Variants in SPAG16 observed in about 807,000 individuals in gnomAD.
The protein encoded by SPAG16 is sperm-associated antigen 16 protein.
Under a neutral mutation model 80.4 loss-of-function variants are expected in SPAG16, and 86 were observed. The ratio of observed to expected loss-of-function variants is 1.07; its 90% confidence interval spans 0.90 to 1.28. The LOEUF (loss-of-function observed/expected upper bound fraction) is 1.28. Ranked by LOEUF, SPAG16 falls within the 50% of genes most tolerant of loss-of-function variation. SPAG16 has a pLI of 0.00. For missense variants in SPAG16, 870 were observed against 765.3 expected, an observed-to-expected ratio of 1.14 and a Z score of -1.61; for synonymous variants, 294 against 265.9, an observed-to-expected ratio of 1.11 and a Z score of -1.03.
At chr2:213,771,662 T>G (rs189505960) in intron 10 of SPAG16, among the ~76,000 whole-genome samples, 1 of 152,312 alleles carries the variant, frequency 6.6e-6, no homozygotes, top group African/African-American at 2.4e-5. Flanking sequence ...GTTTCAATTT[T>G]CTGTATATGG....
At chr2:213,307,189 T>G (rs34087467) in intron 3 of SPAG16, among the ~76,000 whole-genome samples, 4 of 150,296 alleles carry the variant, frequency 2.7e-5, no homozygotes, top group Admixed American at 6.6e-5. Context: ...TTGAATTTTG[T>G]TTTTTTTTAT....
Position 213,284,604 on chromosome 2 carries a change from G to C in SPAG16, c.121G>C (p.Ala41Pro). Residue 41 changes from alanine to proline, a missense_variant, in exon 1 of 16, where the codon GCC becomes CCC. Physicochemically the swap from Ala to Pro is conservative, Grantham distance 27. Coordinates refer to ENST00000331683, the MANE Select transcript of SPAG16 (RefSeq NM_024532.5). ...GGCGGACGCGGTGGCGGCTGAGGGC[G>C]CCTACTACCTGGAACGTATCCTTCC... ...DTADAVAAEGAYYLEQVTITE... is the reference protein window; with the variant it reads ...DTADAVAAEGPYYLEQVTITE... 6.2e-7 allele frequency: 1 copy of C among 1,609,420 alleles called. No homozygotes were observed. Among genetic ancestry groups the C allele is most frequent in the Non-Finnish European group, 8.5e-7 (1 of 1,178,764 alleles).
intron 7 of SPAG16, among the ~76,000 whole-genome samples, chr2:213,359,180 T>C (rs1268396286): frequency 6.6e-6 from 1 of 152,142 alleles, no homozygotes; most frequent in Non-Finnish European, 1.5e-5. Context: ...CTATATGAGG[T>C]ATCAGTCGGC....
intron 13 of SPAG16, among the ~76,000 whole-genome samples, chr2:214,029,284 T>C (rs531911429): frequency 6.6e-6 from 1 of 151,760 alleles, no homozygotes; most frequent in Non-Finnish European, 1.5e-5. Context: ...CAGGAGTGGA[T>C]GAGTGAGGAA....
chr2:213,859,118 GTA>G (rs2075302011), intron 10 of SPAG16, among the ~76,000 whole-genome samples: 1 of 130,328 alleles, frequency 7.7e-6, no homozygotes, highest in African/African-American at 2.8e-5. Context: ...GGGGGAGGTT[GTA>G]GTGAGCCGAG....
intron 12 of SPAG16, among the ~76,000 whole-genome samples, chr2:213,984,423 C>G (rs1330789220): frequency 1.3e-5 from 2 of 152,096 alleles, no homozygotes; most frequent in Non-Finnish European, 2.9e-5. Flanking sequence ...GCTCTTCAAA[C>G]TTGGAAGAAT....
At chr2:213,368,512 G>C (rs970072563) in intron 8 of SPAG16, among the ~76,000 whole-genome samples, 10 of 152,142 alleles carry the variant, frequency 6.6e-5, no homozygotes, top group East Asian at 1.9e-4. Flanking sequence ...CACAAGACAG[G>C]GATGCCCTCT....
rs1702234352 is a variant in SPAG16, at chr2:214,410,468, TACTGTTACTAATA to T, written c.*155_*167del. The T allele has an allele frequency of 1.8e-6, 1 of 565,836 alleles. No individual in the cohort carries two copies. Among genetic ancestry groups the T allele is most frequent in the African/African-American group, 1.9e-5 (1 of 52,728 alleles). 35.1% of individuals were successfully genotyped at this position (565,836 alleles called of 1,614,324 possible). ...CTTTGGACATATATTTTAGTGCTCA[TACTGTTACTAATA>T]AAAAAATAACTTTATGCTCACCCAT... is the stretch of plus-strand genomic sequence containing the variant. On this transcript the variant is annotated 3_prime_UTR_variant, in exon 16 of 16. Coordinates refer to ENST00000331683, the MANE Select transcript of SPAG16 (RefSeq NM_024532.5).
chr2:214,298,962 A>G lies in SPAG16; in HGVS notation c.1721-111178A>G, dbSNP rs567756858. On this transcript the variant is annotated intron_variant, in intron 15 of 15. Transcript: ENST00000331683. ...ATGAACAAATTTGGTATTTTTGTCT[A>G]TTATTTTAGTGTAACATTTAATTGA... Among the ~76,000 whole-genome samples, 11 of 152,236 alleles carry G rather than the reference A, an allele frequency of 7.2e-5. No homozygotes were observed. The South Asian group carries it at 1.9e-3, about 26-fold the overall frequency.
At chr2:214,191,828 G>A (rs2057676820) in intron 15 of SPAG16, among the ~76,000 whole-genome samples, 2 of 151,188 alleles carry the variant, frequency 1.3e-5, no homozygotes, top group Non-Finnish European at 1.5e-5. Flanking sequence ...GTATAGTTAT[G>A]TGTCCATGTA....
chr2:213,376,423 T>G (rs575274080), intron 9 of SPAG16, among the ~76,000 whole-genome samples: 2 of 152,058 alleles, frequency 1.3e-5, no homozygotes, highest in African/African-American at 2.4e-5. Flanking sequence ...TTTATGGTGT[T>G]GCATTCTGAT....
At chr2:214,252,740 G>A (rs182262925) in intron 15 of SPAG16, among the ~76,000 whole-genome samples, 25 of 152,182 alleles carry the variant, frequency 1.6e-4, no homozygotes, top group African/African-American at 5.8e-4. Context: ...ATTGTGAATA[G>A]TGCCGCAATA....
At chr2:213,789,349 T>C (rs997722940) in intron 10 of SPAG16, among the ~76,000 whole-genome samples, 1 of 151,964 alleles carries the variant, frequency 6.6e-6, no homozygotes, top group Admixed American at 6.6e-5. Flanking sequence ...ATTTATGTGC[T>C]TTATCATTGA....
chr2:214,364,577 A>C (rs538791681), intron 15 of SPAG16, among the ~76,000 whole-genome samples: 17 of 152,286 alleles, frequency 1.1e-4, no homozygotes, highest in African/African-American at 4.1e-4. Context: ...TAGGTGAATC[A>C]GCACAGGGTT....
At position 214,313,445 on chromosome 2, in the gene SPAG16, T is replaced by C. The variant is rs372594273; in HGVS notation, c.1721-96695T>C. Among the ~76,000 whole-genome samples the C allele has an allele frequency of 5.8e-4, 88 of 152,246 alleles. 1 individual carries two copies. In the South Asian group the frequency reaches 0.018, roughly 31 times the overall value. On this transcript the variant is annotated intron_variant, in intron 15 of 15. Transcript: ENST00000331683. Reference sequence around the variant, plus strand: ...TTCTAGAATGTTGATAAGATATATTTGGGAACATTTATCTAAGCTGCCATT... The same window carrying C: ...TTCTAGAATGTTGATAAGATATATTCGGGAACATTTATCTAAGCTGCCATT...
intron 10 of SPAG16, among the ~76,000 whole-genome samples, chr2:213,573,107 G>T (rs1452951847): frequency 6.6e-6 from 1 of 152,168 alleles, no homozygotes; most frequent in East Asian, 1.9e-4. Context: ...CACGCACGGT[G>T]CGCGCACCCA....
At chr2:213,946,812 A>G (rs926927008) in intron 12 of SPAG16, among the ~76,000 whole-genome samples, 1 of 152,080 alleles carries the variant, frequency 6.6e-6, no homozygotes, top group African/African-American at 2.4e-5. Flanking sequence ...TTTGTCCACA[A>G]CCATTTAAAA....
intron 14 of SPAG16, among the ~76,000 whole-genome samples, chr2:214,109,090 C>G (rs1486020639): frequency 6.6e-6 from 1 of 152,140 alleles, no homozygotes; most frequent in African/African-American, 2.4e-5. Context: ...TCTTTTTCCT[C>G]CCTCCTTCTG....
intron 9 of SPAG16, chr2:213,396,762 C>A: frequency 4.8e-6 from 2 of 417,580 alleles, no homozygotes; most frequent in Non-Finnish European, 4.9e-6. Context: ...GTGTTCCTGG[C>A]TTGTTCTCCT....
Sources: gnomAD v4.1 joint callset for allele counts (sites outside exome capture counted in the v4.1 genomes callset) on GRCh38, gnomAD v4.1.1 for gene constraint, MANE v1.5 for transcripts, NCBI Gene and HGNC (gene_info 2026-07-23, HGNC 2026-07-21) for gene names.